TUBGCP3: variants seen among roughly 807,000 people sequenced by gnomAD.
The protein encoded by TUBGCP3 is gamma-tubulin complex component 3.
TUBGCP3 carries 50 observed loss-of-function variants against 123.1 expected under a neutral mutation model. The ratio of observed to expected loss-of-function variants is 0.41; its 90% confidence interval spans 0.32 to 0.51. The LOEUF (loss-of-function observed/expected upper bound fraction) is 0.51, where lower values mean the gene tolerates loss of function less well. Among genes scored for constraint, TUBGCP3 ranks in the 20% least tolerant of loss-of-function variants. The pLI is 0.36. For missense variants in TUBGCP3, 882 were observed against 1,127.0 expected (o/e 0.78, Z 3.11); for synonymous variants, 405 against 413.9 (o/e 0.98, Z 0.26).
chr13:112,574,092 T>C (rs1359568195), intron 1 of TUBGCP3, among the ~76,000 whole-genome samples: 1 of 147,076 alleles, frequency 6.8e-6, no homozygotes. Flanking sequence ...GAGCTCAGTG[T>C]GGCTTCCCCT....
chr13:112,493,228 A>T (rs1453702818), intron 20 of TUBGCP3, among the ~76,000 whole-genome samples: 1 of 136,178 alleles, frequency 7.3e-6, no homozygotes, highest in Non-Finnish European at 1.5e-5. Flanking sequence ...GTGGCCTGAG[A>T]CACTCTAGCT....
At chr13:112,499,324 A>C (rs1045950813) in intron 19 of TUBGCP3, 139 bp from the exon 20 acceptor site, 35 of 1,130,496 alleles carry the variant, frequency 3.1e-5, no homozygotes, top group Non-Finnish European at 3.8e-5. Flanking sequence ...CTGTTCATTC[A>C]TTCCCTCACC....
rs754247110 is a variant in TUBGCP3 at position 112,519,681 on chromosome 13, G to A, written c.1881+205C>T. 6.6e-6 allele frequency among the ~76,000 whole-genome samples: 1 copy of A among 152,244 alleles called. No homozygotes were observed. Among genetic ancestry groups the A allele is most frequent in the Non-Finnish European group, 1.5e-5 (1 of 68,050 alleles). On this transcript the variant is annotated intron_variant, in intron 15 of 21. Coordinates refer to ENST00000261965, the MANE Select transcript of TUBGCP3 (RefSeq NM_006322.6). The surrounding 1 kb of genome is among the most constrained non-coding windows in gnomAD (Gnocchi z 6.2). The stretch of plus-strand genomic sequence containing the variant: ...GCTCCCCGCTGCAAGATGGGCAAAC[G>A]GAAACCCAGATGGTGGAGAGGGAGC...
chr13:112,544,226 G>C (rs941153393), intron 11 of TUBGCP3, among the ~76,000 whole-genome samples: 3 of 151,906 alleles, frequency 2.0e-5, no homozygotes, highest in East Asian at 1.9e-4. Flanking sequence ...GGCCAAGGCG[G>C]GCAGATCACA....
intron 4 of TUBGCP3, 140 bp downstream of exon 4, chr13:112,559,182 A>G: frequency 2.4e-6 from 1 of 422,520 alleles, no homozygotes; most frequent in East Asian, 6.4e-5. Flanking sequence ...AAGAAAAAGG[A>G]AAAGAAATCT....
the TUBGCP3 span, among the ~76,000 whole-genome samples, chr13:112,602,448 A>C: frequency 3.8e-3 from 585 of 152,286 alleles, 6 homozygotes; most frequent in African/African-American, 0.012. Context: ...CCGTGGTCAG[A>C]GGAGGTCTCA....
At chr13:112,553,123 C>T (rs1211624562) in intron 8 of TUBGCP3, among the ~76,000 whole-genome samples, 1 of 152,122 alleles carries the variant, frequency 6.6e-6, no homozygotes, top group African/African-American at 2.4e-5. Flanking sequence ...TGCCACACCA[C>T]ATGCCTAATC....
intron 17 of TUBGCP3, among the ~76,000 whole-genome samples, chr13:112,509,428 G>C (rs980578413): frequency 6.6e-6 from 1 of 152,216 alleles, no homozygotes; most frequent in Non-Finnish European, 1.5e-5. Flanking sequence ...GGACGTCAGA[G>C]CAGGCAGTCT....
At chr13:112,558,483 C>G in intron 4 of TUBGCP3, 70 bp from the exon 5 acceptor site, 1 of 1,292,850 alleles carries the variant, frequency 7.7e-7, no homozygotes, top group Non-Finnish European at 1.0e-6. Context: ...CTAAAAAGGT[C>G]ATTTATATTC....
intron 17 of TUBGCP3, among the ~76,000 whole-genome samples, chr13:112,513,810 C>T (rs1479887260): frequency 6.6e-6 from 1 of 152,172 alleles, no homozygotes; most frequent in Non-Finnish European, 1.5e-5. Flanking sequence ...GGTAGTCCCC[C>T]ACACAGTTTC....
intron 1 of TUBGCP3, among the ~76,000 whole-genome samples, chr13:112,578,316 T>G (rs1881998631): frequency 6.6e-6 from 1 of 151,492 alleles, no homozygotes; most frequent in South Asian, 2.1e-4. Flanking sequence ...TCCCAGCACT[T>G]TGGGAGGCCG....
At position 112,534,897 on chromosome 13, in the gene TUBGCP3, C is replaced by T. The variant is rs538593695; in HGVS notation, c.1336-7413G>A. Among the ~76,000 whole-genome samples the T allele has an allele frequency of 3.9e-5, 6 of 152,328 alleles. No individual in the cohort carries two copies. The South Asian group carries it at 1.2e-3, about 32-fold the overall frequency. On this transcript the variant is annotated intron_variant, in intron 11 of 21. Coordinates refer to ENST00000261965, the MANE Select transcript of TUBGCP3 (RefSeq NM_006322.6). Reference sequence around the variant, plus strand: ...TGATCTAACTCCAGAAGATTTTCATCAGCCTGGAGAGAAACTCCGTACCCA... The same window carrying T: ...TGATCTAACTCCAGAAGATTTTCATTAGCCTGGAGAGAAACTCCGTACCCA...
chr13:112,541,318 G>A (rs990240419), intron 11 of TUBGCP3, among the ~76,000 whole-genome samples: 37 of 152,206 alleles, frequency 2.4e-4, no homozygotes, highest in African/African-American at 8.4e-4. Flanking sequence ...GAGGCGGGTG[G>A]ATCACCTGAG....
In TUBGCP3 at chr13:112,524,431, G is replaced by A. The variant is rs748498517; in HGVS notation, c.1556-1922C>T. Among the ~76,000 whole-genome samples the A allele has an allele frequency of 4.6e-5, 7 of 152,318 alleles. No individual in the cohort carries two copies. The highest frequency in any genetic ancestry group is 3.9e-4 in the East Asian group (2 of 5,168). On this transcript the variant is annotated intron_variant, in intron 13 of 21. Coordinates refer to ENST00000261965, the MANE Select transcript of TUBGCP3 (RefSeq NM_006322.6). The surrounding 1 kb of genome is among the most constrained non-coding windows in gnomAD (Gnocchi z 4.4). ...ATGGAGAGCCTCCGGCACAGCAGGC[G>A]CATGGGGACGCCCTGTCCCAGGCAC...
rs1381837456 is a variant in TUBGCP3, at chr13:112,558,226, G to A, written c.518C>T (p.Pro173Leu). The A allele has an allele frequency of 1.2e-6, 2 of 1,611,972 alleles. No homozygotes were observed. Among genetic ancestry groups the A allele is most frequent in the Non-Finnish European group, 1.7e-6 (2 of 1,179,794 alleles). Residue 173 changes from proline (P) to leucine (L), a missense_variant, in exon 5 of 22, where the codon CCC becomes CTC. Pro to Leu is a moderately conservative substitution (Grantham distance 98). Transcript: ENST00000261965. ...GAGGAGAGATTGTGGCGCAGGCGCG[G>A]GGCCACTGAGGGCACACAGGCCAAT... The part of the protein sequence containing the change: ...SSIGLCALSG[P>L]APAPQSLLPG...
chr13:112,590,239 G>T (rs1409543891), upstream of TUBGCP3, among the ~76,000 whole-genome samples: 1 of 152,156 alleles, frequency 6.6e-6, no homozygotes, highest in African/African-American at 2.4e-5. Flanking sequence ...GCCTCCCAAA[G>T]TGCTGGGATT....
At chr13:112,563,748 G>A (rs544354189) in intron 3 of TUBGCP3, among the ~76,000 whole-genome samples, 41 of 151,298 alleles carry the variant, frequency 2.7e-4, no homozygotes, top group Admixed American at 2.1e-3. Flanking sequence ...GTTGGCGGGC[G>A]CCTGTAGTCC....
intron 1 of TUBGCP3, among the ~76,000 whole-genome samples, chr13:112,575,538 C>A (rs72658015): frequency 0.16 from 23,960 of 152,140 alleles, 2,146 homozygotes; most frequent in East Asian, 0.21. Context: ...CTCAGTAATC[C>A]AAAGGGCAAG....
Position 112,499,084 on chromosome 13 carries a change from T to C in TUBGCP3, c.2409A>G (p.Arg803=), listed in dbSNP as rs768763966. 80 of 1,614,072 alleles carry C rather than the reference T, an allele frequency of 5.0e-5. No homozygotes were observed. Among genetic ancestry groups the C allele is most frequent in the Non-Finnish European group, 6.1e-5 (72 of 1,180,032 alleles). Residue 803 remains arginine (R), a synonymous_variant, in exon 20 of 22, where the codon CGA becomes CGG. Transcript: ENST00000261965. ...GTTTCTTTTTCTCTTCAAACTGTAATCGTCTCTGCAATTCTTCCAGAGCAG... is the reference window on the plus strand; with the variant it reads ...GTTTCTTTTTCTCTTCAAACTGTAACCGTCTCTGCAATTCTTCCAGAGCAG... ...YRAALEELQR[R]LQFEEKKKQR...
Sources: allele counts gnomAD v4.1 joint callset (sites outside exome capture counted in the v4.1 genomes callset), GRCh38; gene constraint gnomAD v4.1.1; non-coding constraint Gnocchi (gnomAD v3.1); transcripts MANE v1.5; gene names NCBI Gene and HGNC (gene_info 2026-07-23, HGNC 2026-07-21).